The following DOK7 variants were observed in gnomAD, a reference collection of about 807,000 sequenced individuals.
The protein encoded by DOK7 is docking protein 7.
Under a neutral mutation model 30.7 loss-of-function variants are expected in DOK7, and 32 were observed. The observed-to-expected ratio is 1.04, with a 90% CI of 0.79 to 1.40. DOK7 has a LOEUF of 1.40. DOK7 is among the 40% of genes most tolerant of loss of function. The pLI is 0.00. For synonymous variants in DOK7, 447 were observed against 324.1 expected (o/e 1.38, Z -4.07); for missense variants, 1,007 against 699.2 (o/e 1.44, Z -4.97).
downstream of DOK7, among the ~76,000 whole-genome samples, chr4:3,497,287 G>A (rs1055044017): frequency 6.6e-6 from 1 of 152,098 alleles, no homozygotes; most frequent in African/African-American, 2.4e-5. Flanking sequence ...AGCTCAGGGA[G>A]GAGGGGCTGT....
chr4:3,470,490 G>A (rs576110511), intron 2 of DOK7, among the ~76,000 whole-genome samples: 2 of 152,298 alleles, frequency 1.3e-5, no homozygotes, highest in African/African-American at 4.8e-5. Context: ...GGTGGCGTCC[G>A]TGAATCAGAA....
chr4:3,497,136 G>A (rs1357659219), downstream of DOK7, among the ~76,000 whole-genome samples: 3 of 152,108 alleles, frequency 2.0e-5, no homozygotes, highest in Non-Finnish European at 4.4e-5. Flanking sequence ...AGGGCAGTGG[G>A]TAGAGGGCAG....
At chr4:3,475,554 G>C (rs1022704948) in intron 3 of DOK7, among the ~76,000 whole-genome samples, 1 of 152,194 alleles carries the variant, frequency 6.6e-6, no homozygotes, top group African/African-American at 2.4e-5. Context: ...CAGGGGCAGG[G>C]GCCTGGGCAG....
At chr4:3,498,913 G>A (rs1022390828), downstream of DOK7, among the ~76,000 whole-genome samples, 2 of 152,204 alleles carry the variant, frequency 1.3e-5, no homozygotes, top group Non-Finnish European at 2.9e-5. Context: ...AACCCTCGTC[G>A]ACCTGGGCTC....
chr4:3,476,229 TGCCCGTGATGCCCTCTCACCCCACCC>T lies in DOK7; in HGVS notation c.332-76_332-51del, dbSNP rs1560212281. 119 of 256,968 alleles carry T rather than the reference TGCCCGTGATGCCCTCTCACCCCACCC, an allele frequency of 4.6e-4. 10 individuals are homozygous for T. The highest frequency in any genetic ancestry group is 1.3e-3 in the Middle Eastern group (1 of 780). 15.9% of individuals were successfully genotyped at this position (256,968 alleles called of 1,614,324 possible). On this transcript the variant is annotated intron_variant, in intron 3 of 6. Transcript: ENST00000340083. Reference sequence around the variant, plus strand: ...GCCCATGATGCCCTCTCGCCCCGCCTGCCCGTGATGCCCTCTCACCCCACCCGCCCGTGATGCCCTCTCACCCCACC... The same window carrying T: ...GCCCATGATGCCCTCTCGCCCCGCCTGCCCGTGATGCCCTCTCACCCCACC...
downstream of DOK7, chr4:3,494,554 G>GA (rs1449753328): frequency 7.1e-6 from 7 of 981,872 alleles, no homozygotes; most frequent in Non-Finnish European, 8.5e-6. Context: ...CCTCTGCCTG[G>GA]ATGCGAAGTC....
intron 5 of DOK7, 57 bp from the exon 6 acceptor site, chr4:3,489,620 C>T (rs566681736): frequency 4.4e-5 from 69 of 1,553,226 alleles, no homozygotes; most frequent in African/African-American, 2.7e-4. Context: ...CTGGTGCCTG[C>T]GGGCGAGGGT....
intron 3 of DOK7, among the ~76,000 whole-genome samples, chr4:3,474,681 G>A (rs1377578546): frequency 6.6e-6 from 1 of 152,162 alleles, no homozygotes; most frequent in Non-Finnish European, 1.5e-5. Flanking sequence ...AATTAGCCTG[G>A]TGTGGTGGTG....
rs758027072 is a variant in DOK7, at chr4:3,492,973, G to A, written c.987G>A (p.Glu329=). Residue 329 remains glutamate (E), a synonymous_variant, in exon 7 of 7, where the codon GAG becomes GAA. Coordinates refer to ENST00000340083, the MANE Select transcript of DOK7 (RefSeq NM_173660.5). ...CGCTGCGTCCGCGGCAGCTGCAGGA[G>A]GTTGGCCGCCAGAGCTCCTCGGACA... The part of the protein sequence containing the change: ...PKPLRPRQLQ[E]VGRQSSSDSG... The A allele has an allele frequency of 7.1e-6, 11 of 1,553,710 alleles. 1 individual carries two copies. The South Asian group carries it at 8.2e-5, about 12-fold the overall frequency.
chr4:3,465,685 C>T (rs1368723326), intron 2 of DOK7, among the ~76,000 whole-genome samples: 3 of 152,396 alleles, frequency 2.0e-5, no homozygotes, highest in East Asian at 1.9e-4. Flanking sequence ...TCAGCCACAG[C>T]GCCTGGCATG....
At chr4:3,497,244 G>A (rs886485055), downstream of DOK7, among the ~76,000 whole-genome samples, 10 of 152,084 alleles carry the variant, frequency 6.6e-5, no homozygotes, top group African/African-American at 2.4e-4. Flanking sequence ...GGGCATGGCA[G>A]GAAGGCAGTC....
At chr4:3,490,227 C>CCTCATTCATTCCTTCCTTTTCTCCCTG (rs1318051845) in intron 6 of DOK7, among the ~76,000 whole-genome samples, 5 of 109,750 alleles carry the variant, frequency 4.6e-5, no homozygotes, top group African/African-American at 1.1e-4. Context: ...GTCTTCACCC[C>CCTCATTCATTCCTTCCTTTTCTCCCTG]CTCATTCATT....
At chr4:3,484,882 C>T (rs1038187850) in intron 4 of DOK7, 2 of 985,320 alleles carry the variant, frequency 2.0e-6, no homozygotes, top group Non-Finnish European at 2.4e-6. Flanking sequence ...TGAATGCAGC[C>T]CTCCCAACAG....
Position 3,500,197 on chromosome 4 carries a change from A to G in DOK7, c.1109-54A>G, listed in dbSNP as rs2858036. 874,179 of 1,520,436 alleles carry G rather than the reference A, an allele frequency of 0.57. 257,809 individuals carry two copies. Among genetic ancestry groups the G allele is most frequent in the East Asian group, 0.92 (37,439 of 40,540 alleles). 94.2% of individuals were successfully genotyped at this position (1,520,436 alleles called of 1,614,324 possible). A position where few individuals can be genotyped will look rare whatever the true frequency, so the allele number is the denominator to read the frequency against. On this transcript the variant is annotated intron_variant, in intron 6 of 7. Transcript: ENST00000643608. ...GCAGCTCTTTACTGCACAATCTTTG[A>G]GATCTGTGCCCCTCTCGGTCCCCAC... is the stretch of plus-strand genomic sequence containing the variant.
exon 7 of DOK7, chr4:3,500,305 A>T: frequency 6.5e-7 from 1 of 1,535,868 alleles, no homozygotes; most frequent in Non-Finnish European, 8.7e-7. Context: ...CCGCGCGGCG[A>T]GTCGCCCACT....
downstream of DOK7, among the ~76,000 whole-genome samples, chr4:3,496,246 G>T (rs1338250041): frequency 6.6e-6 from 1 of 152,224 alleles, no homozygotes; most frequent in African/African-American, 2.4e-5. Flanking sequence ...CCACTTCAGA[G>T]GCCCAGGAGA....
In DOK7 at chr4:3,480,574, G is replaced by C. The variant is rs139652427; in HGVS notation, c.532+4032G>C. Among the ~76,000 whole-genome samples the C allele has an allele frequency of 6.7e-3, 1,020 of 152,310 alleles. 10 individuals are homozygous for C. Among genetic ancestry groups the C allele is most frequent in the African/African-American group, 0.024 (981 of 41,564 alleles). On this transcript the variant is annotated intron_variant, in intron 4 of 6. Transcript: ENST00000340083. Reference sequence around the variant, plus strand: ...AGTGAGCTGAGATCCCGCCATTGCAGTCCAGCCAAGGCAACAGAGCCAGGC... The same window carrying C: ...AGTGAGCTGAGATCCCGCCATTGCACTCCAGCCAAGGCAACAGAGCCAGGC...
At chr4:3,497,331 G>A (rs559506145), downstream of DOK7, among the ~76,000 whole-genome samples, 2 of 152,188 alleles carry the variant, frequency 1.3e-5, no homozygotes, top group East Asian at 3.9e-4. Context: ...TGTGGAGGCT[G>A]GGCTGGTGGT....
intron 2 of DOK7, among the ~76,000 whole-genome samples, chr4:3,465,884 C>T (rs188614025): frequency 1.3e-5 from 2 of 152,352 alleles, no homozygotes; most frequent in Non-Finnish European, 2.9e-5. Flanking sequence ...GCTGGTGGCC[C>T]TGCATGCCAG....
Sources: allele counts gnomAD v4.1 joint callset (sites outside exome capture counted in the v4.1 genomes callset), GRCh38; gene constraint gnomAD v4.1.1; transcripts MANE v1.5; gene names NCBI Gene and HGNC (gene_info 2026-07-23, HGNC 2026-07-21).